TAOK1: variants seen among roughly 807,000 people sequenced by gnomAD.
The protein encoded by TAOK1 is serine/threonine-protein kinase TAO1.
Under a neutral mutation model 138.3 loss-of-function variants are expected in TAOK1, and 21 were observed. The observed-to-expected ratio is 0.15, with a 90% confidence interval of 0.11 to 0.22. The LOEUF is 0.22. Among genes scored for constraint, TAOK1 ranks in the 10% least tolerant of loss-of-function variants. TAOK1 has a pLI of 1.00. For synonymous variants in TAOK1, 361 were observed against 398.4 expected, an observed-to-expected ratio of 0.91 and a Z score of 1.12; for missense variants, 651 against 1,227.7, an observed-to-expected ratio of 0.53 and a Z score of 7.02.
chr17:29,450,540 C>G (rs1167261649), intron 1 of TAOK1, among the ~76,000 whole-genome samples: 1 of 152,102 alleles, frequency 6.6e-6, no homozygotes, highest in Admixed American at 6.6e-5. Flanking sequence ...GAGACAGGAT[C>G]TCACCCTGTT....
At chr17:29,446,342 C>T (rs1306380275) in intron 1 of TAOK1, among the ~76,000 whole-genome samples, 6 of 151,924 alleles carry the variant, frequency 3.9e-5, no homozygotes, top group Admixed American at 3.3e-4. Context: ...CTTTCTTTCA[C>T]GCCATTCTCC....
At chr17:29,509,009 T>C (rs1190183218) in intron 14 of TAOK1, among the ~76,000 whole-genome samples, 1 of 152,026 alleles carries the variant, frequency 6.6e-6, no homozygotes, top group African/African-American at 2.4e-5. Flanking sequence ...TACCCTCTTC[T>C]CCCTTTTCAC....
Position 29,419,897 on chromosome 17 carries a change from T to C in TAOK1, c.-95+28873T>C, listed in dbSNP as rs1429873576. On this transcript the variant is annotated intron_variant, in intron 1 of 19. Transcript: ENST00000261716. ...ATTGTTTTTTTGTTTGTTTGTTTTT[T>C]GAGACAGGGTCTCACTCTGTTGCCC... Among the ~76,000 whole-genome samples, 4 of 152,086 alleles carry C rather than the reference T, an allele frequency of 2.6e-5. No individual in the cohort carries two copies. In the South Asian group the frequency reaches 6.2e-4, roughly 24 times the overall value.
At position 29,547,439 on chromosome 17, in the gene TAOK1, C is replaced by G. The variant is rs1208107755; in HGVS notation, c.*4417C>G. ...TGCACCTTCCACCACTTCTGAGCCACTACTATTCAAGTAGAGATTTGCCCC... is the reference window on the plus strand; with the variant it reads ...TGCACCTTCCACCACTTCTGAGCCAGTACTATTCAAGTAGAGATTTGCCCC... On this transcript the variant is annotated 3_prime_UTR_variant, in exon 20 of 20. Transcript: ENST00000261716. 6.6e-6 allele frequency: 1 copy of G among 152,104 alleles called. No individual in the cohort carries two copies. The highest frequency in any genetic ancestry group is 6.5e-5 in the Admixed American group (1 of 15,268). 9.4% of individuals were successfully genotyped at this position (152,104 alleles called of 1,614,324 possible). A position where few individuals can be genotyped will look rare whatever the true frequency, so the allele number is the denominator to read the frequency against.
intron 8 of TAOK1, among the ~76,000 whole-genome samples, chr17:29,487,281 A>G (rs967774248): frequency 6.7e-6 from 1 of 150,044 alleles, no homozygotes; most frequent in African/African-American, 2.5e-5. Flanking sequence ...AAAAAGTATT[A>G]AGGATAATGA....
At chr17:29,468,135 A>ATCTTTTTTTTTTTTTT (rs2030720785) in intron 3 of TAOK1, among the ~76,000 whole-genome samples, 1 of 76,056 alleles carries the variant, frequency 1.3e-5, no homozygotes, top group African/African-American at 5.5e-5. Context: ...CCTGCTTTCA[A>ATCTTTTTTTTTTTTTT]TTTTTTTTTT....
At position 29,510,990 on chromosome 17, in the gene TAOK1, G is replaced by C; in HGVS notation, c.1702G>C (p.Glu568Gln). The C allele has an allele frequency of 6.3e-7, 1 of 1,597,590 alleles. No homozygotes were observed. The highest frequency in any genetic ancestry group is 2.3e-5 in the East Asian group (1 of 44,400). The change falls in exon 15 of 20, where the codon GAG becomes CAG. Residue 568 changes from glutamate to glutamine, a missense_variant and splice_region_variant. Coordinates refer to ENST00000261716, the MANE Select transcript of TAOK1 (RefSeq NM_020791.4). Reference protein sequence around the residue: ...EYKLRKEQLKEELNENQSTPK... With the variant: ...EYKLRKEQLKQELNENQSTPK... ...TAAACTTCGAAAAGAGCAGCTTAAA[G>C]AGGTACTTATGTCATAAAACTTTCC...
chr17:29,397,706 CATGAATATACATGT>C (rs750064961), intron 1 of TAOK1, among the ~76,000 whole-genome samples: 3 of 79,108 alleles, frequency 3.8e-5, no homozygotes, highest in Non-Finnish European at 7.1e-5. Context: ...TGTATGCATA[CATGAATATACATGT>C]ATGTATATAC....
At chr17:29,399,450 G>A (rs1198120225) in intron 1 of TAOK1, among the ~76,000 whole-genome samples, 1 of 151,902 alleles carries the variant, frequency 6.6e-6, no homozygotes, top group Non-Finnish European at 1.5e-5. Flanking sequence ...CAAGTAGCTG[G>A]GACTACAGGC....
In TAOK1 at chr17:29,482,213, A is replaced by G; in HGVS notation, c.580A>G (p.Ile194Val). The G allele has an allele frequency of 6.2e-7, 1 of 1,612,004 alleles. No individual in the cohort carries two copies. Among genetic ancestry groups the G allele is most frequent in the Non-Finnish European group, 8.5e-7 (1 of 1,179,236 alleles). The change falls in exon 8 of 20, where the codon ATT becomes GTT. Residue 194 changes from isoleucine (I) to valine (V), a missense_variant. Around this residue, in one of 8 missense-constraint regions of TAOK1, gnomAD observed 20 missense variants for 88.6 expected, o/e 0.23. Coordinates refer to ENST00000261716, the MANE Select transcript of TAOK1 (RefSeq NM_020791.4). Reference protein sequence around the residue: ...GTPYWMAPEVILAMDEGQYDG... With the variant: ...GTPYWMAPEVVLAMDEGQYDG... ...TTGTTCTAGGATGGCCCCAGAAGTA[A>G]TTTTAGCCATGGATGAAGGACAATA...
At chr17:29,454,316 T>C (rs930907727) in intron 2 of TAOK1, among the ~76,000 whole-genome samples, 2 of 152,228 alleles carry the variant, frequency 1.3e-5, no homozygotes, top group Admixed American at 6.5e-5. Flanking sequence ...TTTTGATGAC[T>C]GTAGCTTTGT....
Position 29,455,546 on chromosome 17 carries a change from C to T in TAOK1, c.132+3866C>T, listed in dbSNP as rs893276900. ...GTGAAAGTGAGCATGTTGTCTTGTT[C>T]CTGATAGTAGTGAGAAAGCCTTTTC... On this transcript the variant is annotated intron_variant, in intron 2 of 19. Coordinates refer to ENST00000261716, the MANE Select transcript of TAOK1 (RefSeq NM_020791.4). Among the ~76,000 whole-genome samples the T allele has an allele frequency of 1.4e-4, 21 of 150,476 alleles. 2 individuals carry two copies. The highest frequency in any genetic ancestry group is 4.1e-4 in the South Asian group (2 of 4,824).
rs1472097455 is a variant in TAOK1 at position 29,550,054 on chromosome 17, C to T, written c.*7032C>T. 6.6e-6 allele frequency: 1 copy of T among 151,884 alleles called. No individual in the cohort carries two copies. The highest frequency in any genetic ancestry group is 1.5e-5 in the Non-Finnish European group (1 of 67,972). The allele number at this position is 151,884 out of a possible 1,614,324, so 9.4% of individuals were successfully genotyped here. ...GAAAAGGTATTTTATCACACCTTGA[C>T]ACCTTATATATGAGCCTATTAGGAG... On this transcript the variant is annotated 3_prime_UTR_variant, in exon 20 of 20. Transcript: ENST00000261716.
chr17:29,544,002 T>A lies in TAOK1; in HGVS notation c.*980T>A, dbSNP rs2032362564. 1 of 152,514 alleles carries A rather than the reference T, an allele frequency of 6.6e-6. No homozygotes were observed. The highest frequency in any genetic ancestry group is 1.5e-5 in the Non-Finnish European group (1 of 68,034). 9.4% of individuals were successfully genotyped at this position (152,514 alleles called of 1,614,324 possible). Reference sequence around the variant, plus strand: ...ATCTCATCCTAGCTAAGCTCTATAATGCCCAAGACCCCAAACAGTACTTTT... The same window carrying A: ...ATCTCATCCTAGCTAAGCTCTATAAAGCCCAAGACCCCAAACAGTACTTTT... On this transcript the variant is annotated 3_prime_UTR_variant, in exon 20 of 20. Coordinates refer to ENST00000261716, the MANE Select transcript of TAOK1 (RefSeq NM_020791.4).
chr17:29,516,543 C>T (rs2031819367), intron 15 of TAOK1, among the ~76,000 whole-genome samples: 1 of 143,264 alleles, frequency 7.0e-6, no homozygotes, highest in Admixed American at 7.4e-5. Context: ...GCTCTTCTTG[C>T]CCAGGCTGGA....
intron 14 of TAOK1, among the ~76,000 whole-genome samples, chr17:29,509,668 A>G (rs1381867741): frequency 6.6e-6 from 1 of 150,718 alleles, no homozygotes; most frequent in Non-Finnish European, 1.5e-5. Flanking sequence ...CCGAGGTGAG[A>G]AGATTACTTG....
intron 15 of TAOK1, 39 bp from the exon 16 acceptor site, chr17:29,517,414 C>G (rs749210860): frequency 4.4e-6 from 7 of 1,604,090 alleles, no homozygotes; most frequent in Non-Finnish European, 5.1e-6. Flanking sequence ...GCCACCGTGC[C>G]AGGCCTATTT....
intron 17 of TAOK1, among the ~76,000 whole-genome samples, chr17:29,524,301 A>T (rs1026979445): frequency 6.6e-6 from 1 of 152,220 alleles, no homozygotes; most frequent in Non-Finnish European, 1.5e-5. Context: ...AGCAAAGTCA[A>T]TTATGATTTT....
intron 1 of TAOK1, among the ~76,000 whole-genome samples, chr17:29,439,885 AAAAT>A (rs1431444380): frequency 1.4e-3 from 195 of 136,976 alleles, no homozygotes; most frequent in African/African-American, 4.9e-3. Context: ...AAAAAAAAAA[AAAAT>A]TTTTTTTTAA....
Sources: gnomAD v4.1 joint callset for allele counts (sites outside exome capture counted in the v4.1 genomes callset) on GRCh38, gnomAD v4.1.1 for gene constraint, gnomAD v4.1.1 regional missense constraint, MANE v1.5 for transcripts, NCBI Gene and HGNC (gene_info 2026-07-23, HGNC 2026-07-21) for gene names.